Variants in MYH10 observed in about 807,000 individuals in gnomAD.
MYH10 encodes myosin-10.
In MYH10, 55 loss-of-function variants were observed where a neutral mutation model predicts 257.8. That is an observed-to-expected ratio of 0.21 (90% CI 0.17 to 0.27). The LOEUF is 0.27. MYH10 is among the 10% of genes least tolerant of loss of function. The probability of loss-of-function intolerance (pLI) is 1.00; values close to 1 mark genes in which losing one functional copy is unlikely to be tolerated. For synonymous variants in MYH10, 854 were observed against 921.7 expected (o/e 0.93, Z 1.33); for missense variants, 1,631 against 2,500.6 (o/e 0.65, Z 7.42).
intron 32 of MYH10, 59 bp from the exon 33 acceptor site, chr17:8,493,083 G>C (rs1293518430): frequency 6.4e-7 from 1 of 1,560,664 alleles, no homozygotes; most frequent in Non-Finnish European, 8.7e-7. Flanking sequence ...ATTGGGGCCA[G>C]GCATGGTGGC....
At chr17:8,580,739 C>T (rs2083673784) in intron 4 of MYH10, among the ~76,000 whole-genome samples, 1 of 152,180 alleles carries the variant, frequency 6.6e-6, no homozygotes, top group Non-Finnish European at 1.5e-5. Flanking sequence ...TTTCAACAAA[C>T]ATTTGCAAAT....
At position 8,504,667 on chromosome 17, in the gene MYH10, G is replaced by A. The variant is rs781155052; in HGVS notation, c.3599+27C>T. The A allele has an allele frequency of 1.4e-5, 22 of 1,603,594 alleles. No homozygotes were observed. The highest frequency in any genetic ancestry group is 2.0e-4 in the Middle Eastern group (1 of 4,884). On this transcript the variant is annotated intron_variant, in intron 28 of 42. Transcript: ENST00000360416. The surrounding 1 kb of genome is among the most constrained non-coding windows in gnomAD (Gnocchi z 5.6). ...TCGGTGGAGAGGTCGGCAGGCGCCC[G>A]GGCCCTGCTTCCTCTCCCACACTCA... is the stretch of plus-strand genomic sequence containing the variant.
chr17:8,498,832 A>AGC (rs1917086122), intron 30 of MYH10, among the ~76,000 whole-genome samples: 1 of 152,166 alleles, frequency 6.6e-6, no homozygotes, highest in Admixed American at 6.5e-5. Context: ...TGGGCAACAG[A>AGC]GCGAGACTCT....
chr17:8,540,703 T>A (rs2082268544), intron 14 of MYH10, among the ~76,000 whole-genome samples: 1 of 152,186 alleles, frequency 6.6e-6, no homozygotes, highest in Admixed American at 6.5e-5. Flanking sequence ...ATGTAGGACT[T>A]CCAGTGTCAT....
At chr17:8,527,054 T>C (rs960941195) in intron 17 of MYH10, among the ~76,000 whole-genome samples, 4 of 152,226 alleles carry the variant, frequency 2.6e-5, no homozygotes, top group African/African-American at 9.7e-5. Context: ...CACCCTCATA[T>C]AGATGAAAAT....
At chr17:8,605,847 A>G (rs1040319579) in intron 2 of MYH10, among the ~76,000 whole-genome samples, 4 of 152,228 alleles carry the variant, frequency 2.6e-5, no homozygotes, top group Non-Finnish European at 5.9e-5. Flanking sequence ...ACCCAAAATG[A>G]CATGTTATAA....
chr17:8,622,458 C>T (rs1285504688), intron 2 of MYH10, among the ~76,000 whole-genome samples: 2 of 152,220 alleles, frequency 1.3e-5, no homozygotes, highest in Non-Finnish European at 2.9e-5. Flanking sequence ...TTCCCTACTA[C>T]ATCCAGTGAA....
At chr17:8,580,431 C>G (rs563953210) in intron 4 of MYH10, among the ~76,000 whole-genome samples, 70 of 150,308 alleles carry the variant, frequency 4.7e-4, no homozygotes, top group Non-Finnish European at 9.0e-4. Context: ...ATGATGTCTT[C>G]ATCCCTGTGT....
At chr17:8,546,036 T>G (rs2082431762) in intron 12 of MYH10, among the ~76,000 whole-genome samples, 1 of 152,130 alleles carries the variant, frequency 6.6e-6, no homozygotes, top group Admixed American at 6.5e-5. Context: ...GACATTTACT[T>G]TTTTTAAAAA....
intron 2 of MYH10, among the ~76,000 whole-genome samples, chr17:8,606,397 T>C (rs2084808714): frequency 6.6e-6 from 1 of 152,192 alleles, no homozygotes; most frequent in African/African-American, 2.4e-5. Flanking sequence ...ATGAAACAGA[T>C]CTTTTATTTG....
intron 16 of MYH10, 100 bp from the exon 17 acceptor site, chr17:8,530,785 G>T (rs923636871): frequency 6.5e-6 from 6 of 920,364 alleles, no homozygotes; most frequent in Admixed American, 2.7e-5. Flanking sequence ...CTTTGAAATC[G>T]GGCTACAAAA....
intron 35 of MYH10, among the ~76,000 whole-genome samples, chr17:8,489,573 G>A (rs1597622618): frequency 6.6e-6 from 1 of 152,110 alleles, no homozygotes; most frequent in South Asian, 2.1e-4. Flanking sequence ...GCATGGTGGT[G>A]TGTGTCTGTG....
intron 14 of MYH10, among the ~76,000 whole-genome samples, chr17:8,537,055 T>G (rs889769718): frequency 6.6e-6 from 1 of 152,224 alleles, no homozygotes; most frequent in African/African-American, 2.4e-5. Context: ...TAAAAAGGCC[T>G]AGAGCTCACC....
At chr17:8,511,443 C>T (rs1197679305) in intron 24 of MYH10, among the ~76,000 whole-genome samples, 1 of 152,184 alleles carries the variant, frequency 6.6e-6, no homozygotes, top group East Asian at 1.9e-4. Context: ...TCACTTGAAC[C>T]GAGGAGGTGG....
rs386795098 is a variant in MYH10, at chr17:8,530,004, ATTTT to A, written c.1957+615_1957+618del. Among the ~76,000 whole-genome samples, 375 of 152,304 alleles carry A rather than the reference ATTTT, an allele frequency of 2.5e-3. 3 individuals are homozygous for A. Among genetic ancestry groups the A allele is most frequent in the African/African-American group, 6.2e-3 (259 of 41,568 alleles). ...TATAATTCTGACAACATTCCACTCT[ATTTT>A]AGTCTCAACTTGCACATATCAGGCC... On this transcript the variant is annotated intron_variant, in intron 17 of 42. Transcript: ENST00000360416.
chr17:8,575,095 C>T (rs77162297), intron 6 of MYH10, among the ~76,000 whole-genome samples: 6 of 152,272 alleles, frequency 3.9e-5, no homozygotes, highest in East Asian at 1.9e-4. Flanking sequence ...ACATGCAAAT[C>T]GGCAATGACC....
chr17:8,513,864 A>G lies in MYH10; in HGVS notation c.2535T>C (p.Ser845=). 6.2e-7 allele frequency: 1 copy of G among 1,614,206 alleles called. No individual in the cohort carries two copies. Among genetic ancestry groups the G allele is most frequent in the Non-Finnish European group, 8.5e-7 (1 of 1,180,016 alleles). ...KAFAKKQQQL[S]ALKVLQRNCA... ...AGTTCCGCTGCAAGACCTTTAAGGC[A>G]CTTAGTTGCTGCTGCTTCTTGGCAA... Residue 845 remains serine (S), a synonymous_variant, in exon 22 of 43, where the codon AGT becomes AGC. Coordinates refer to ENST00000360416, the MANE Select transcript of MYH10 (RefSeq NM_001256012.3).
At position 8,605,742 on chromosome 17, in the gene MYH10, CACAAACAAACAA is replaced by C. The variant is rs537193543; in HGVS notation, c.346-772_346-761del. ...CCTGGGTAAGAAAGTGAGACTCCAT[CACAAACAAACAA>C]ACAAACAAACAAACAAAAGAAAAAC... On this transcript the variant is annotated intron_variant, in intron 2 of 42. Transcript: ENST00000360416. 5.3e-3 allele frequency among the ~76,000 whole-genome samples: 810 copies of C among 152,094 alleles called. 1 individual carries two copies. Among genetic ancestry groups the C allele is most frequent in the Non-Finnish European group, 9.1e-3 (616 of 67,988 alleles).
intron 2 of MYH10, among the ~76,000 whole-genome samples, chr17:8,606,441 G>A (rs1164639667): frequency 6.6e-6 from 1 of 152,150 alleles, no homozygotes; most frequent in East Asian, 1.9e-4. Flanking sequence ...CTAAAAGCAA[G>A]AGGACATGAA....
Sources: gnomAD v4.1 joint callset for allele counts (sites outside exome capture counted in the v4.1 genomes callset) on GRCh38, gnomAD v4.1.1 for gene constraint, Gnocchi (gnomAD v3.1) non-coding constraint, MANE v1.5 for transcripts, NCBI Gene and HGNC (gene_info 2026-07-23, HGNC 2026-07-21) for gene names.